The following NCOA6 variants were observed in gnomAD, a reference collection of about 807,000 sequenced individuals.
NCOA6 encodes nuclear receptor coactivator 6.
NCOA6 carries 49 observed loss-of-function variants against 171.4 expected under a neutral mutation model. That is an observed-to-expected ratio of 0.29 (90% CI 0.23 to 0.36). The LOEUF is 0.36. Ranked by LOEUF, NCOA6 falls within the 10% of genes least tolerant of loss-of-function variation. NCOA6 has a pLI of 1.00. For missense variants in NCOA6, 2,248 were observed against 2,554.5 expected, an observed-to-expected ratio of 0.88 and a Z score of 2.59; for synonymous variants, 910 against 927.5, an observed-to-expected ratio of 0.98 and a Z score of 0.34.
At chr20:34,733,676 G>A (rs2075856277) in intron 12 of NCOA6, among the ~76,000 whole-genome samples, 1 of 151,876 alleles carries the variant, frequency 6.6e-6, no homozygotes. Context: ...GATTGATGCA[G>A]CCTTTCATGT....
chr20:34,822,078 T>C (rs1003573356), intron 1 of NCOA6, among the ~76,000 whole-genome samples: 7 of 152,202 alleles, frequency 4.6e-5, no homozygotes, highest in Non-Finnish European at 8.8e-5. Context: ...GTCTCTGCCT[T>C]AGTTCAGATC....
At chr20:34,785,892 A>C in intron 2 of NCOA6, among the ~76,000 whole-genome samples, 1 of 151,904 alleles carries the variant, frequency 6.6e-6, no homozygotes, top group East Asian at 1.9e-4. Context: ...AAAAAAAAAA[A>C]ACAGAGAGAA....
intron 5 of NCOA6, among the ~76,000 whole-genome samples, chr20:34,763,745 C>T (rs146591870): frequency 6.6e-6 from 1 of 152,174 alleles, no homozygotes; most frequent in Non-Finnish European, 1.5e-5. Context: ...GACAATTCCA[C>T]AACACCCATT....
In NCOA6 at chr20:34,779,616, T is replaced by A. The variant is rs548635306; in HGVS notation, c.235+2505A>T. Among the ~76,000 whole-genome samples, 33 of 152,358 alleles carry A rather than the reference T, an allele frequency of 2.2e-4. 1 individual carries two copies. Among genetic ancestry groups the A allele is most frequent in the African/African-American group, 7.7e-4 (32 of 41,592 alleles). On this transcript the variant is annotated intron_variant, in intron 3 of 14. Transcript: ENST00000359003. Reference sequence around the variant, plus strand: ...TAAACTTAAACTTCTGTATCCTTCATTCAGTTATACATTCTAATATTAAGA... The same window carrying A: ...TAAACTTAAACTTCTGTATCCTTCAATCAGTTATACATTCTAATATTAAGA...
intron 5 of NCOA6, among the ~76,000 whole-genome samples, chr20:34,762,418 CTTTA>C (rs949878868): frequency 6.6e-6 from 1 of 151,860 alleles, no homozygotes; most frequent in Non-Finnish European, 1.5e-5. Context: ...ATCCATTTAC[CTTTA>C]TTGTTTACTA....
intron 7 of NCOA6, among the ~76,000 whole-genome samples, chr20:34,757,000 T>C (rs1234329498): frequency 1.3e-5 from 2 of 152,262 alleles, no homozygotes; most frequent in Non-Finnish European, 2.9e-5. Flanking sequence ...CATTGAATTT[T>C]ACCTGAATTT....
intron 1 of NCOA6, among the ~76,000 whole-genome samples, chr20:34,810,984 T>C (rs141599648): frequency 4.6e-5 from 7 of 151,708 alleles, no homozygotes; most frequent in Non-Finnish European, 8.8e-5. Flanking sequence ...TATAGGGTGA[T>C]AGAACGGAAA....
intron 1 of NCOA6, among the ~76,000 whole-genome samples, chr20:34,821,992 T>G: frequency 6.6e-6 from 1 of 152,132 alleles, no homozygotes. Flanking sequence ...ACCTGCAAAT[T>G]CTAACTCCAC....
At chr20:34,814,703 T>C (rs2078773264) in intron 1 of NCOA6, among the ~76,000 whole-genome samples, 1 of 152,180 alleles carries the variant, frequency 6.6e-6, no homozygotes, top group African/African-American at 2.4e-5. Context: ...GCAATTTTCC[T>C]GCCTGAGCCT....
chr20:34,748,390 A>C lies in NCOA6; in HGVS notation c.2792+1013T>G, dbSNP rs549953797. On this transcript the variant is annotated intron_variant, in intron 9 of 14. Transcript: ENST00000359003. The stretch of plus-strand genomic sequence containing the variant: ...GAGCATGATATAATACAGTACAAAG[A>C]ATGTTGTGGGAAGGCTGGGATAAAG... 3.9e-5 allele frequency among the ~76,000 whole-genome samples: 6 copies of C among 152,282 alleles called. No individual in the cohort carries two copies. In the East Asian group the frequency reaches 5.8e-4, roughly 15 times the overall value.
intron 1 of NCOA6, among the ~76,000 whole-genome samples, chr20:34,804,121 G>C (rs185274868): frequency 1.1e-3 from 162 of 152,250 alleles, no homozygotes; most frequent in South Asian, 2.9e-3. Context: ...CAGATCACCT[G>C]AGGTCGGGAG....
Position 34,727,290 on chromosome 20 carries a change from A to G in NCOA6, c.6117T>C (p.Ser2039=). Residue 2039 remains serine (S), a synonymous_variant, in exon 14 of 15, where the codon TCT becomes TCC. Coordinates refer to ENST00000359003, the MANE Select transcript of NCOA6 (RefSeq NM_014071.5). ...SVENGHRKRS[S]RPASASSSTK... The stretch of plus-strand genomic sequence containing the variant: ...TAGAGCTGGAGGCTGAAGCAGGTCG[A>G]GAAGATCGTTTACGATGTCCATTTT... The G allele has an allele frequency of 6.2e-7, 1 of 1,614,240 alleles. No homozygotes were observed. The highest frequency in any genetic ancestry group is 1.1e-5 in the South Asian group (1 of 91,090).
intron 2 of NCOA6, among the ~76,000 whole-genome samples, chr20:34,788,170 T>C (rs1010477682): frequency 6.6e-6 from 1 of 151,490 alleles, no homozygotes; most frequent in Non-Finnish European, 1.5e-5. Context: ...CTTTTATGTA[T>C]TTCATTTATT....
chr20:34,791,147 G>C (rs1326792261), intron 2 of NCOA6, among the ~76,000 whole-genome samples: 1 of 152,156 alleles, frequency 6.6e-6, no homozygotes, highest in African/African-American at 2.4e-5. Flanking sequence ...AAATGCCACT[G>C]AACTGTTCAC....
intron 4 of NCOA6, among the ~76,000 whole-genome samples, chr20:34,774,618 G>A (rs2077252116): frequency 6.6e-6 from 1 of 152,182 alleles, no homozygotes; most frequent in African/African-American, 2.4e-5. Context: ...CGTAAGCACA[G>A]GGCCAGGAGG....
intron 13 of NCOA6, among the ~76,000 whole-genome samples, chr20:34,729,837 G>A (rs1164591515): frequency 6.6e-6 from 1 of 152,084 alleles, no homozygotes; most frequent in Non-Finnish European, 1.5e-5. Flanking sequence ...TAGTAGCACC[G>A]TGGTTGGGAA....
intron 1 of NCOA6, among the ~76,000 whole-genome samples, chr20:34,823,750 T>C (rs1386103024): frequency 1.3e-5 from 2 of 152,160 alleles, no homozygotes; most frequent in Non-Finnish European, 2.9e-5. Context: ...CAGGCAGGAA[T>C]GTCATGGAAT....
intron 14 of NCOA6, among the ~76,000 whole-genome samples, chr20:34,719,248 G>A (rs952582971): frequency 3.3e-5 from 5 of 152,086 alleles, no homozygotes; most frequent in Admixed American, 3.3e-4. Context: ...ACCATCCAAG[G>A]AGCTTTAGAA....
At chr20:34,819,643 A>T (rs886612163) in intron 1 of NCOA6, 1 of 152,128 alleles carries the variant, frequency 6.6e-6, no homozygotes, top group African/African-American at 2.4e-5. Flanking sequence ...TGAAAACCAA[A>T]TTAATTTGGC....
Sources: gnomAD v4.1 joint callset for allele counts (sites outside exome capture counted in the v4.1 genomes callset) on GRCh38, gnomAD v4.1.1 for gene constraint, MANE v1.5 for transcripts, NCBI Gene and HGNC (gene_info 2026-07-23, HGNC 2026-07-21) for gene names.